The following MBOAT2 variants were observed in gnomAD, a reference collection of about 807,000 sequenced individuals.
The protein encoded by MBOAT2 is membrane-bound glycerophospholipid O-acyltransferase 2.
A neutral mutation model predicts 63.4 loss-of-function variants in MBOAT2; 28 were observed. The ratio of observed to expected loss-of-function variants is 0.44; its 90% CI spans 0.33 to 0.61. The LOEUF (loss-of-function observed/expected upper bound fraction) is 0.61. Ranked by LOEUF, MBOAT2 falls within the 20% of genes least tolerant of loss-of-function variation. The pLI, the probability that MBOAT2 is intolerant of heterozygous loss-of-function variation, is 0.03. For missense variants in MBOAT2, 470 were observed against 605.8 expected (o/e 0.78, Z 2.35); for synonymous variants, 211 against 215.6 (o/e 0.98, Z 0.19).
chr2:8,934,692 G>A (rs1667540947), intron 3 of MBOAT2, among the ~76,000 whole-genome samples: 2 of 152,090 alleles, frequency 1.3e-5, no homozygotes, highest in South Asian at 4.2e-4. Flanking sequence ...TGGTAAATAT[G>A]GTCCACAGAG....
chr2:8,870,025 C>A (rs1293662729), intron 8 of MBOAT2, among the ~76,000 whole-genome samples: 1 of 152,190 alleles, frequency 6.6e-6, no homozygotes, highest in East Asian at 1.9e-4. Context: ...CCCCTGCCCC[C>A]CAGTCTCCCA....
intron 2 of MBOAT2, among the ~76,000 whole-genome samples, chr2:8,955,087 G>T (rs932591454): frequency 5.3e-5 from 8 of 152,166 alleles, no homozygotes; most frequent in African/African-American, 1.9e-4. Context: ...CCACAATTCT[G>T]GCTATGGAGG....
At chr2:8,913,672 T>C (rs1474330732) in intron 3 of MBOAT2, among the ~76,000 whole-genome samples, 3 of 151,706 alleles carry the variant, frequency 2.0e-5, no homozygotes, top group Non-Finnish European at 4.4e-5. Context: ...AAAAAAACAG[T>C]AGATACTGGT....
At chr2:8,898,861 T>C (rs1425240643) in intron 4 of MBOAT2, among the ~76,000 whole-genome samples, 2 of 152,240 alleles carry the variant, frequency 1.3e-5, no homozygotes, top group African/African-American at 2.4e-5. Context: ...GAGCAGGTTA[T>C]AGGGGTTGGG....
rs1224836305 is a variant in MBOAT2 at position 8,958,600 on chromosome 2, T to C, written c.118A>G (p.Ile40Val). The change falls in exon 2 of 13, where the codon ATT becomes GTT. Residue 40 changes from isoleucine to valine, a missense_variant. By Grantham distance (29) the Ile-to-Val change is conservative. Coordinates refer to ENST00000305997, the MANE Select transcript of MBOAT2 (RefSeq NM_138799.4). ...GAATGTAGATAAGTTCGAAACCAAA[T>C]GGCTGCTAGCAAGGCAAAGAGTTGG... is the stretch of plus-strand genomic sequence containing the variant. ...VCQLFALLAA[I>V]WFRTYLHSSK... is the part of the protein sequence containing the mutation. 5 of 1,609,920 alleles carry C rather than the reference T, an allele frequency of 3.1e-6. No homozygotes were observed. In the South Asian group the frequency reaches 3.3e-5, roughly 11 times the overall value.
intron 3 of MBOAT2, among the ~76,000 whole-genome samples, chr2:8,933,009 A>ACTTTT (rs1353021920): frequency 6.6e-6 from 1 of 152,070 alleles, no homozygotes; most frequent in African/African-American, 2.4e-5. Flanking sequence ...TACCCCTTTC[A>ACTTTT]CTCATGCTTC....
intron 1 of MBOAT2, among the ~76,000 whole-genome samples, chr2:8,973,251 C>T (rs1264859555): frequency 4.0e-5 from 6 of 151,678 alleles, no homozygotes; most frequent in Non-Finnish European, 7.4e-5. Flanking sequence ...CCATCGTTCT[C>T]AGCAAACTAT....
At chr2:8,885,815 T>C (rs374105083) in intron 5 of MBOAT2, among the ~76,000 whole-genome samples, 1 of 152,196 alleles carries the variant, frequency 6.6e-6, no homozygotes, top group Admixed American at 6.5e-5. Flanking sequence ...ATGATGCCAC[T>C]GGATTGATAG....
At position 8,878,125 on chromosome 2, in the gene MBOAT2, C is replaced by A. The variant is rs112329897; in HGVS notation, c.507-912G>T. Among the ~76,000 whole-genome samples, 1,062 of 152,274 alleles carry A rather than the reference C, an allele frequency of 7.0e-3. 13 individuals are homozygous for A. Among genetic ancestry groups the A allele is most frequent in the South Asian group, 0.02 (95 of 4,832 alleles). On this transcript the variant is annotated intron_variant, in intron 6 of 12. Transcript: ENST00000305997. ...GGCAGATGCTCTGCACGTATCCTGG[C>A]AGTGGAGCCTGAAGGCTGCGGAGGG...
intron 2 of MBOAT2, among the ~76,000 whole-genome samples, chr2:8,947,418 C>T (rs1023686984): frequency 1.3e-5 from 2 of 152,146 alleles, no homozygotes; most frequent in Admixed American, 6.5e-5. Context: ...CTGATGAAGG[C>T]GGCTACACTA....
intron 3 of MBOAT2, among the ~76,000 whole-genome samples, chr2:8,916,429 C>T (rs182783254): frequency 3.9e-5 from 6 of 152,334 alleles, no homozygotes; most frequent in African/African-American, 1.4e-4. Context: ...ATTGCTGCCT[C>T]ATTTCAAAAG....
intron 7 of MBOAT2, among the ~76,000 whole-genome samples, chr2:8,873,684 G>GTGTC (rs1662509319): frequency 6.6e-6 from 1 of 151,954 alleles, no homozygotes; most frequent in Non-Finnish European, 1.5e-5. Flanking sequence ...TTTTTCCATT[G>GTGTC]TGTCTTTTCT....
intron 4 of MBOAT2, among the ~76,000 whole-genome samples, chr2:8,890,680 TG>T (rs1490413340): frequency 6.6e-6 from 1 of 151,846 alleles, no homozygotes; most frequent in Admixed American, 6.6e-5. Context: ...CTACCACACG[TG>T]GGTAATTTTT....
intron 1 of MBOAT2, among the ~76,000 whole-genome samples, chr2:8,995,648 T>A (rs1672235237): frequency 6.7e-6 from 1 of 150,240 alleles, no homozygotes; most frequent in Admixed American, 6.6e-5. Flanking sequence ...TGGAGTGTAG[T>A]GGCACGATCT....
intron 2 of MBOAT2, among the ~76,000 whole-genome samples, chr2:8,949,264 T>G (rs893242358): frequency 3.3e-5 from 5 of 152,196 alleles, no homozygotes; most frequent in Non-Finnish European, 7.3e-5. Context: ...TTAGCAAATA[T>G]TTTCTCCCAT....
intron 1 of MBOAT2, among the ~76,000 whole-genome samples, chr2:8,964,817 T>C (rs1669874806): frequency 1.3e-5 from 2 of 152,366 alleles, no homozygotes; most frequent in Admixed American, 6.5e-5. Flanking sequence ...ATTTTTTAAA[T>C]GTGTATTTCT....
Position 8,910,501 on chromosome 2 carries a change from G to C in MBOAT2, c.300-1785C>G, listed in dbSNP as rs539839285. Among the ~76,000 whole-genome samples the C allele has an allele frequency of 1.3e-4, 20 of 152,208 alleles. No homozygotes were observed. The East Asian group carries it at 3.9e-3, about 29-fold the overall frequency. ...TTAAGCCACTATGTTTTGATGTAAT[G>C]ACATAATCAAAACAGAAACTGGTAA... On this transcript the variant is annotated intron_variant, in intron 3 of 12. Transcript: ENST00000305997.
intron 1 of MBOAT2, among the ~76,000 whole-genome samples, chr2:8,983,211 T>C (rs1188566212): frequency 6.6e-6 from 1 of 152,178 alleles, no homozygotes; most frequent in African/African-American, 2.4e-5. Flanking sequence ...GTAAAATACA[T>C]ATTTTCACAA....
intron 1 of MBOAT2, among the ~76,000 whole-genome samples, chr2:8,982,982 T>C (rs558688026): frequency 2.1e-4 from 32 of 152,140 alleles, no homozygotes; most frequent in Middle Eastern, 3.4e-3. Context: ...TGGAAAAAAA[T>C]TGAAATAGAA....
Sources: gnomAD v4.1 joint callset for allele counts (sites outside exome capture counted in the v4.1 genomes callset) on GRCh38, gnomAD v4.1.1 for gene constraint, MANE v1.5 for transcripts, NCBI Gene and HGNC (gene_info 2026-07-23, HGNC 2026-07-21) for gene names.